GRHL2: variants seen among roughly 807,000 people sequenced by gnomAD.
GRHL2 encodes grainyhead like transcription factor 2, also known as grainyhead-like protein 2 homolog.
In GRHL2, 21 loss-of-function variants were observed where a neutral mutation model predicts 83.8. The observed-to-expected ratio is 0.25, with a 90% CI of 0.18 to 0.36. The LOEUF (loss-of-function observed/expected upper bound fraction) is 0.36. Among genes scored for constraint, GRHL2 ranks in the 10% least tolerant of loss-of-function variants. The pLI is 1.00. For missense variants in GRHL2, 623 were observed against 781.8 expected (o/e 0.80, Z 2.42); for synonymous variants, 280 against 278.9 (o/e 1.00, Z -0.04).
chr8:101,539,343 A>G (rs1279411862), intron 1 of GRHL2, among the ~76,000 whole-genome samples: 1 of 152,154 alleles, frequency 6.6e-6, no homozygotes, highest in African/African-American at 2.4e-5. Context: ...AGGACTGGGC[A>G]TTTTTGGAAG....
intron 5 of GRHL2, among the ~76,000 whole-genome samples, chr8:101,571,971 G>A (rs1391066595): frequency 2.0e-5 from 3 of 152,192 alleles, no homozygotes; most frequent in African/African-American, 7.2e-5. Flanking sequence ...TGCTGCCATG[G>A]TCCAGCAGAG....
chr8:101,552,509 A>G (rs1586087523), intron 2 of GRHL2, among the ~76,000 whole-genome samples: 1 of 152,206 alleles, frequency 6.6e-6, no homozygotes, highest in East Asian at 1.9e-4. Flanking sequence ...TTGTGGCCAT[A>G]TGTTTATCAC....
At chr8:101,630,753 C>T (rs187512961) in intron 9 of GRHL2, among the ~76,000 whole-genome samples, 58 of 152,266 alleles carry the variant, frequency 3.8e-4, no homozygotes, top group Admixed American at 3.3e-3. Flanking sequence ...CAGGTTAATT[C>T]TTCCACAGCA....
At chr8:101,619,077 C>T (rs1812911493) in intron 8 of GRHL2, among the ~76,000 whole-genome samples, 1 of 152,042 alleles carries the variant, frequency 6.6e-6, no homozygotes, top group African/African-American at 2.4e-5. Context: ...CACAGTGAAA[C>T]CCTGTCTCTA....
chr8:101,555,613 T>C (rs1313527948), intron 3 of GRHL2, among the ~76,000 whole-genome samples: 1 of 152,170 alleles, frequency 6.6e-6, no homozygotes, highest in Non-Finnish European at 1.5e-5. Flanking sequence ...AGATGAAACA[T>C]AAATTCTAAA....
chr8:101,513,365 C>A (rs17397323), intron 1 of GRHL2, among the ~76,000 whole-genome samples: 13,050 of 152,006 alleles, frequency 0.086, 667 homozygotes, highest in Middle Eastern at 0.14. Flanking sequence ...AGGTATATAA[C>A]CCTTAGAACA....
rs369794096 is a variant in GRHL2 at position 101,577,544 on chromosome 8, A to G, written c.1003+25A>G. The G allele has an allele frequency of 3.2e-5, 45 of 1,423,538 alleles. No individual in the cohort carries two copies. In the South Asian group the frequency reaches 3.9e-4, roughly 12 times the overall value. The allele number at this position is 1,423,538 out of a possible 1,614,324, so 88.2% of individuals were successfully genotyped here. On this transcript the variant is annotated intron_variant, in intron 7 of 15. Coordinates refer to ENST00000646743, the MANE Select transcript of GRHL2 (RefSeq NM_024915.4). ...GGTAAGTTGACCTTGACTTCCCTGTATAGTCCTCGATAAACTGACATGTTG... is the reference window on the plus strand; with the variant it reads ...GGTAAGTTGACCTTGACTTCCCTGTGTAGTCCTCGATAAACTGACATGTTG...
intron 8 of GRHL2, among the ~76,000 whole-genome samples, chr8:101,603,095 A>T (rs1392055800): frequency 2.6e-5 from 4 of 152,242 alleles, no homozygotes; most frequent in African/African-American, 9.6e-5. Context: ...ACCAGAAACC[A>T]CCTTGATCCA....
At chr8:101,579,050 G>C (rs1811989587) in intron 7 of GRHL2, among the ~76,000 whole-genome samples, 1 of 152,198 alleles carries the variant, frequency 6.6e-6, no homozygotes, top group Admixed American at 6.5e-5. Flanking sequence ...GATAATTAGT[G>C]CAAGAGCCGG....
intron 14 of GRHL2, among the ~76,000 whole-genome samples, chr8:101,654,649 G>C (rs930461256): frequency 6.6e-6 from 1 of 152,226 alleles, no homozygotes; most frequent in African/African-American, 2.4e-5. Flanking sequence ...TGATAGAATA[G>C]TGTTGCCACC....
At chr8:101,552,922 G>A (rs1811414904) in intron 3 of GRHL2, 140 bp downstream of exon 3, 4 of 822,524 alleles carry the variant, frequency 4.9e-6, no homozygotes, top group East Asian at 5.5e-5. Flanking sequence ...CTGGACCAAT[G>A]CTAGATCTCT....
chr8:101,588,319 AAG>A (rs1563594921), intron 7 of GRHL2, among the ~76,000 whole-genome samples: 1 of 152,204 alleles, frequency 6.6e-6, no homozygotes, highest in South Asian at 2.1e-4. Context: ...TTCCCTCCCT[AAG>A]AGAACTCAAA....
chr8:101,510,541 G>A (rs774477837), intron 1 of GRHL2, among the ~76,000 whole-genome samples: 27 of 151,790 alleles, frequency 1.8e-4, no homozygotes, highest in Non-Finnish European at 2.5e-4. Flanking sequence ...GCCAGTGAGC[G>A]AACAAAAAAG....
intron 1 of GRHL2, among the ~76,000 whole-genome samples, chr8:101,500,216 A>G (rs1031707137): frequency 2.0e-5 from 3 of 152,238 alleles, no homozygotes; most frequent in Admixed American, 6.5e-5. Flanking sequence ...ATGAGCAGCA[A>G]CAGGCTGGAT....
chr8:101,552,206 T>A (rs769758674), intron 2 of GRHL2, among the ~76,000 whole-genome samples: 96 of 152,204 alleles, frequency 6.3e-4, no homozygotes, highest in Non-Finnish European at 1.2e-3. Context: ...CCAGGTATAC[T>A]GGATGCTTCC....
intron 14 of GRHL2, among the ~76,000 whole-genome samples, chr8:101,663,962 C>T (rs944477574): frequency 6.6e-6 from 1 of 151,660 alleles, no homozygotes. Flanking sequence ...AACCTTTCGA[C>T]CTTTTTCTTT....
rs1442922553 is a variant in GRHL2 at position 101,558,543 on chromosome 8, G to A, written c.409G>A (p.Glu137Lys). The A allele has an allele frequency of 6.2e-7, 1 of 1,614,078 alleles. No homozygotes were observed. The change falls in exon 4 of 16, where the codon GAA becomes AAA. Residue 137 changes from glutamate (E) to lysine (K), a missense_variant. This residue lies in a region of GRHL2 where 239 missense variants were observed against 240.5 expected (regional missense o/e 0.99). Transcript: ENST00000646743. Reference sequence around the variant, plus strand: ...AGATCACCTGGAGAATTCCAAGCGGGAACAGTACAGCATCAGCTTCCCCGA... The same window carrying A: ...AGATCACCTGGAGAATTCCAAGCGGAAACAGTACAGCATCAGCTTCCCCGA... ...NQDHLENSKR[E>K]QYSISFPESS...
At chr8:101,509,113 CCT>C (rs879692319) in intron 1 of GRHL2, among the ~76,000 whole-genome samples, 16,026 of 47,528 alleles carry the variant, frequency 0.34, 1,239 homozygotes, top group East Asian at 0.42. Flanking sequence ...TTCTCTCCTT[CCT>C]TCCTTCCTTC....
intron 12 of GRHL2, among the ~76,000 whole-genome samples, chr8:101,640,662 G>A (rs1351256100): frequency 2.0e-5 from 3 of 152,094 alleles, no homozygotes; most frequent in Non-Finnish European, 2.9e-5. Flanking sequence ...TCCCCAGTGG[G>A]CCCCGCTGAG....
Sources: gnomAD v4.1 joint callset for allele counts (sites outside exome capture counted in the v4.1 genomes callset) on GRCh38, gnomAD v4.1.1 for gene constraint, gnomAD v4.1.1 regional missense constraint, MANE v1.5 for transcripts, NCBI Gene and HGNC (gene_info 2026-07-23, HGNC 2026-07-21) for gene names.